Variants in SENP2 observed in about 807,000 individuals in gnomAD.
The protein encoded by SENP2 is SUMO specific peptidase 2, also known as sentrin-specific protease 2.
In SENP2, 16 loss-of-function variants were observed where a neutral mutation model predicts 86.3. The observed-to-expected ratio is 0.19, with a 90% CI of 0.13 to 0.28. The LOEUF (loss-of-function observed/expected upper bound fraction) is 0.28. Among genes scored for constraint, SENP2 ranks in the 10% least tolerant of loss-of-function variants. The probability of loss-of-function intolerance (pLI) is 1.00; values close to 1 mark genes in which losing one functional copy is unlikely to be tolerated. For missense variants in SENP2, 552 were observed against 703.0 expected, an observed-to-expected ratio of 0.79 and a Z score of 2.43; for synonymous variants, 222 against 238.7, an observed-to-expected ratio of 0.93 and a Z score of 0.64.
chr3:185,610,795 A>T (rs896980840), intron 7 of SENP2, among the ~76,000 whole-genome samples: 2 of 151,206 alleles, frequency 1.3e-5, no homozygotes, highest in African/African-American at 4.9e-5. Flanking sequence ...ATCTCTACTA[A>T]AAAATACAAA....
intron 15 of SENP2, 89 bp from the exon 16 acceptor site, chr3:185,626,209 G>T: frequency 3.8e-6 from 3 of 795,670 alleles, no homozygotes; most frequent in East Asian, 2.6e-5. Context: ...TTATAATATT[G>T]TTTACAGCAA....
intron 15 of SENP2, among the ~76,000 whole-genome samples, chr3:185,624,929 C>T (rs1389908374): frequency 6.6e-6 from 1 of 151,284 alleles, no homozygotes; most frequent in Non-Finnish European, 1.5e-5. Flanking sequence ...AAGGAGAGCA[C>T]AGATACAAGG....
At position 185,586,412 on chromosome 3, in the gene SENP2, G is replaced by A. The variant is rs1287451709; in HGVS notation, c.-2G>A. 5 of 1,613,840 alleles carry A rather than the reference G, an allele frequency of 3.1e-6. No homozygotes were observed. The highest frequency in any genetic ancestry group is 4.2e-6 in the Non-Finnish European group (5 of 1,180,000). ...CGGCCGCCGCTGCTGCTTGGGCCTGGTATGTACAGATGGCTGGTTAGGATT... is the reference window on the plus strand; with the variant it reads ...CGGCCGCCGCTGCTGCTTGGGCCTGATATGTACAGATGGCTGGTTAGGATT... On this transcript the variant is annotated 5_prime_UTR_variant, in exon 1 of 17. Coordinates refer to ENST00000296257, the MANE Select transcript of SENP2 (RefSeq NM_021627.3). This position sits in a 1 kb window ranked among gnomAD's most constrained non-coding sequence, Gnocchi z 4.3.
chr3:185,617,430 T>TAATGA, intron 11 of SENP2, 50 bp from the exon 12 acceptor site: 1 of 1,505,594 alleles, frequency 6.6e-7, no homozygotes, highest in Non-Finnish European at 8.9e-7. Flanking sequence ...CAATAACTGA[T>TAATGA]AATGAATGGT....
At chr3:185,613,085 C>A (rs75499727) in intron 9 of SENP2, among the ~76,000 whole-genome samples, 3 of 152,166 alleles carry the variant, frequency 2.0e-5, no homozygotes, top group Non-Finnish European at 4.4e-5. Context: ...TTGGAACATG[C>A]GAATTCATTT....
chr3:185,602,911 C>CTTT (rs748676466), intron 5 of SENP2, among the ~76,000 whole-genome samples: 3 of 105,734 alleles, frequency 2.8e-5, no homozygotes, highest in Admixed American at 1.1e-4. Context: ...TTACACGTTA[C>CTTT]TTTTTTTTTT....
At chr3:185,606,800 A>G (rs1201283668) in intron 6 of SENP2, 1 of 527,840 alleles carries the variant, frequency 1.9e-6, no homozygotes, top group Non-Finnish European at 3.6e-6. Flanking sequence ...GACAGGATCA[A>G]GCATGTTGCT....
At chr3:185,620,703 A>C (rs1167588777) in intron 13 of SENP2, among the ~76,000 whole-genome samples, 1 of 150,710 alleles carries the variant, frequency 6.6e-6, no homozygotes, top group Non-Finnish European at 1.5e-5. Context: ...TCAGCCTCCC[A>C]AAGTGCTGGG....
At chr3:185,614,853 A>AAAACATGTCAGGTCCATGGTCTG in intron 11 of SENP2, 113 bp downstream of exon 11, 1 of 950,236 alleles carries the variant, frequency 1.1e-6, no homozygotes, top group Non-Finnish European at 1.6e-6. Context: ...TGAATATATG[A>AAAACATGTCAGGTCCATGGTCTG]AAACATGTCA....
intron 15 of SENP2, among the ~76,000 whole-genome samples, chr3:185,625,297 G>C (rs2148995773): frequency 6.6e-6 from 1 of 152,200 alleles, no homozygotes; most frequent in South Asian, 2.1e-4. Context: ...ATTTTTAGTA[G>C]AGACGGAGTT....
At chr3:185,601,742 A>G (rs1464580) in intron 5 of SENP2, among the ~76,000 whole-genome samples, 12,814 of 149,008 alleles carry the variant, frequency 0.086, 852 homozygotes, top group South Asian at 0.34. Context: ...GGTTCAAGCA[A>G]TTTTCCCACC....
rs1276924025 is a variant in SENP2, at chr3:185,630,011, G to A, written c.*167G>A. 4.7e-6 allele frequency: 3 copies of A among 642,924 alleles called. No individual in the cohort carries two copies. The highest frequency in any genetic ancestry group is 1.8e-5 in the African/African-American group (1 of 55,530). The allele number at this position is 642,924 out of a possible 1,614,324, so 39.8% of individuals were successfully genotyped here. A position where few individuals can be genotyped will look rare whatever the true frequency, so the allele number is the denominator to read the frequency against. ...CACTGTACTCTAGTCCTGACTTGGG[G>A]TGCAGAGGGCTGCTTGCAATCCTGT... On this transcript the variant is annotated 3_prime_UTR_variant, in exon 17 of 17. Transcript: ENST00000296257.
chr3:185,630,574 T>G lies in SENP2; in HGVS notation c.*730T>G, dbSNP rs1712414624. ...CCAAGGGACTCTGATTATCCAAGCA[T>G]CTTCCGAAGAGTGTTGTGGTCACCT... On this transcript the variant is annotated 3_prime_UTR_variant, in exon 17 of 17. Coordinates refer to ENST00000296257, the MANE Select transcript of SENP2 (RefSeq NM_021627.3). 2 of 152,684 alleles carry G rather than the reference T, an allele frequency of 1.3e-5. No individual in the cohort carries two copies. Among genetic ancestry groups the G allele is most frequent in the Admixed American group, 1.3e-4 (2 of 15,284 alleles). The allele number at this position is 152,684 out of a possible 1,614,324, so 9.5% of individuals were successfully genotyped here. A position where few individuals can be genotyped will look rare whatever the true frequency, so the allele number is the denominator to read the frequency against.
chr3:185,613,464 TG>T, intron 10 of SENP2, 56 bp downstream of exon 10: 1 of 1,072,024 alleles, frequency 9.3e-7, no homozygotes. Flanking sequence ...ACTTATGTTT[TG>T]GTGCCCATGA....
At chr3:185,612,735 C>A in intron 9 of SENP2, 77 bp downstream of exon 9, 1 of 1,050,252 alleles carries the variant, frequency 9.5e-7, no homozygotes, top group Non-Finnish European at 1.4e-6. Flanking sequence ...TATGAGTAAG[C>A]AGTTCTGAGG....
chr3:185,621,752 T>C, intron 13 of SENP2, 74 bp from the exon 14 acceptor site: 1 of 901,982 alleles, frequency 1.1e-6, no homozygotes, highest in Non-Finnish European at 1.7e-6. Context: ...AAAAGATGCT[T>C]TTATTTTTGG....
chr3:185,625,687 T>C (rs1464081406), intron 15 of SENP2, among the ~76,000 whole-genome samples: 1 of 152,182 alleles, frequency 6.6e-6, no homozygotes, highest in Non-Finnish European at 1.5e-5. Flanking sequence ...AAGATCCTAA[T>C]TGGTTAAAGC....
intron 5 of SENP2, among the ~76,000 whole-genome samples, chr3:185,603,563 A>G (rs1421355153): frequency 6.6e-6 from 1 of 152,228 alleles, no homozygotes; most frequent in Non-Finnish European, 1.5e-5. Context: ...TAGATTTTAG[A>G]TGGGACAAAA....
At chr3:185,629,660 A>G (rs1339395256) in intron 16 of SENP2, 122 bp from the exon 17 acceptor site, 10 of 901,900 alleles carry the variant, frequency 1.1e-5, no homozygotes, top group Non-Finnish European at 1.3e-5. Context: ...CCATGATGTA[A>G]AAATGTCAAC....
Sources: allele counts gnomAD v4.1 joint callset (sites outside exome capture counted in the v4.1 genomes callset), GRCh38; gene constraint gnomAD v4.1.1; non-coding constraint Gnocchi (gnomAD v3.1); transcripts MANE v1.5; gene names NCBI Gene and HGNC (gene_info 2026-07-23, HGNC 2026-07-21).